The following NPY variants were observed in gnomAD, a reference collection of about 807,000 sequenced individuals.
The protein encoded by NPY is pro-neuropeptide Y.
In NPY, 11 loss-of-function variants were observed where a neutral mutation model predicts 13.2. The observed-to-expected ratio is 0.83, with a 90% CI of 0.52 to 1.38. The LOEUF (loss-of-function observed/expected upper bound fraction) is 1.38, where lower values mean the gene tolerates loss of function less well. Ranked by LOEUF, NPY falls within the 40% of genes most tolerant of loss-of-function variation. The pLI is 0.00. For synonymous variants in NPY, 51 were observed against 55.6 expected (o/e 0.92, Z 0.37); for missense variants, 109 against 125.1 (o/e 0.87, Z 0.61).
In NPY at chr7:24,285,759, AC is replaced by A. The variant is rs1306551931; in HGVS notation, c.188+334del. On this transcript the variant is annotated intron_variant, in intron 2 of 3. Coordinates refer to ENST00000242152, the MANE Select transcript of NPY (RefSeq NM_000905.4). The surrounding 1 kb of genome is among the most constrained non-coding windows in gnomAD (Gnocchi z 4.9). Reference sequence around the variant, plus strand: ...GGCCCGGTCCAGAAATCTCGAAAGTACCCAGTGAAAGGGGCAAGAATGCGCC... The same window carrying A: ...GGCCCGGTCCAGAAATCTCGAAAGTACCAGTGAAAGGGGCAAGAATGCGCC... 1.3e-5 allele frequency among the ~76,000 whole-genome samples: 2 copies of A among 151,994 alleles called. No individual in the cohort carries two copies. Among genetic ancestry groups the A allele is most frequent in the African/African-American group, 2.4e-5 (1 of 41,382 alleles).
chr7:24,285,369 G>A lies in NPY; in HGVS notation c.129G>A (p.Glu43=). The stretch of plus-strand genomic sequence containing the variant: ...ACCCGGGCGAGGACGCACCAGCGGA[G>A]GACATGGCCAGATACTACTCGGCGC... ...PDNPGEDAPA[E]DMARYYSALR... is the part of the protein sequence containing the mutation. The change falls in exon 2 of 4, where the codon GAG becomes GAA. Residue 43 remains glutamate, a synonymous_variant. Coordinates refer to ENST00000242152, the MANE Select transcript of NPY (RefSeq NM_000905.4). This position sits in a 1 kb window ranked among gnomAD's most constrained non-coding sequence, Gnocchi z 4.9. The A allele has an allele frequency of 6.2e-7, 1 of 1,614,088 alleles. No homozygotes were observed. Among genetic ancestry groups the A allele is most frequent in the Non-Finnish European group, 8.5e-7 (1 of 1,180,040 alleles).
At chr7:24,286,852 GT>G in intron 2 of NPY, among the ~76,000 whole-genome samples, 1 of 152,220 alleles carries the variant, frequency 6.6e-6, no homozygotes, top group Admixed American at 6.5e-5. Context: ...GATATTAACT[GT>G]TTTTTCTAGA....
rs768399475 is a variant in NPY at position 24,285,601 on chromosome 7, A to G, written c.188+173A>G. Among the ~76,000 whole-genome samples, 1 of 152,102 alleles carries G rather than the reference A, an allele frequency of 6.6e-6. No homozygotes were observed. Among genetic ancestry groups the G allele is most frequent in the Non-Finnish European group, 1.5e-5 (1 of 68,020 alleles). On this transcript the variant is annotated intron_variant, in intron 2 of 3. Transcript: ENST00000242152. The surrounding 1 kb of genome is among the most constrained non-coding windows in gnomAD (Gnocchi z 4.9). ...GTTTGTACAGGGCACACTCTACACA[A>G]AATGGGTACCTTCCATTTTGTGCAA...
intron 1 of NPY, chr7:24,284,898 G>A (rs1011990591): frequency 1.3e-5 from 5 of 391,560 alleles, no homozygotes; most frequent in Non-Finnish European, 2.4e-5. Flanking sequence ...CAAGAAGGGA[G>A]AAAAGTGACC....
At position 24,285,006 on chromosome 7, in the gene NPY, C is replaced by G. The variant is rs1243498900; in HGVS notation, c.1-235C>G. Reference sequence around the variant, plus strand: ...GCTTCTTGGTCCCTGAGACTTCGAACGAAGTTGCGCGAAGTTTTCAGGTGG... The same window carrying G: ...GCTTCTTGGTCCCTGAGACTTCGAAGGAAGTTGCGCGAAGTTTTCAGGTGG... On this transcript the variant is annotated intron_variant, in intron 1 of 3. Transcript: ENST00000242152. This position sits in a 1 kb window ranked among gnomAD's most constrained non-coding sequence, Gnocchi z 4.9. 15 of 578,632 alleles carry G rather than the reference C, an allele frequency of 2.6e-5. No individual in the cohort carries two copies. Among genetic ancestry groups the G allele is most frequent in the Non-Finnish European group, 4.3e-5 (14 of 324,248 alleles). The allele number at this position is 578,632 out of a possible 1,614,324, so 35.8% of individuals were successfully genotyped here.
chr7:24,287,791 C>G (rs957512590), intron 2 of NPY, among the ~76,000 whole-genome samples: 2 of 152,138 alleles, frequency 1.3e-5, no homozygotes, highest in Non-Finnish European at 2.9e-5. Flanking sequence ...AGAAACTCAG[C>G]CTTAGATTAG....
At position 24,285,396 on chromosome 7, in the gene NPY, G is replaced by A. The variant is rs771478734; in HGVS notation, c.156G>A (p.Leu52=). The A allele has an allele frequency of 1.9e-6, 3 of 1,613,790 alleles. No individual in the cohort carries two copies. In the African/African-American group the frequency reaches 4.0e-5, roughly 22 times the overall value. The change falls in exon 2 of 4, where the codon CTG becomes CTA. Residue 52 remains leucine, a synonymous_variant. Coordinates refer to ENST00000242152, the MANE Select transcript of NPY (RefSeq NM_000905.4). This position sits in a 1 kb window ranked among gnomAD's most constrained non-coding sequence, Gnocchi z 4.9. ...ACATGGCCAGATACTACTCGGCGCT[G>A]CGACACTACATCAACCTCATCACCA... ...AEDMARYYSA[L]RHYINLITRQ... is the part of the protein sequence containing the mutation.
intron 2 of NPY, among the ~76,000 whole-genome samples, chr7:24,288,687 GAAAAAAAA>G (rs59946765): frequency 1.1e-5 from 1 of 89,032 alleles, no homozygotes. Flanking sequence ...TGCTACAGGA[GAAAAAAAA>G]AAAAAAAAAA....
intron 3 of NPY, among the ~76,000 whole-genome samples, chr7:24,290,783 T>TTATTATTATTA (rs1787574999): frequency 6.8e-6 from 1 of 147,312 alleles, no homozygotes; most frequent in Admixed American, 6.8e-5. Context: ...ATAATTATTA[T>TTATTATTATTA]TATTATTCAG....
At position 24,289,579 on chromosome 7, in the gene NPY, G is replaced by T; in HGVS notation, c.269G>T (p.Arg90Leu). ...RESTENVPRTRLEDPAMW is the reference protein window; with the variant it reads ...RESTENVPRTLLEDPAMW The stretch of plus-strand genomic sequence containing the variant: ...AGCACAGAAAATGTTCCCAGAACTC[G>T]GTATGACAAGGCTTGTGATGGGGAC... Residue 90 changes from arginine to leucine, a missense_variant and splice_region_variant, in exon 3 of 4, where the codon CGG becomes CTG. Physicochemically the swap from Arg to Leu is moderately radical, Grantham distance 102. Coordinates refer to ENST00000242152, the MANE Select transcript of NPY (RefSeq NM_000905.4). 1.2e-6 allele frequency: 2 copies of T among 1,608,830 alleles called. No individual in the cohort carries two copies. The highest frequency in any genetic ancestry group is 1.1e-5 in the South Asian group (1 of 90,386).
At chr7:24,291,147 C>T (rs1346687622) in intron 3 of NPY, among the ~76,000 whole-genome samples, 2 of 152,032 alleles carry the variant, frequency 1.3e-5, no homozygotes, top group African/African-American at 4.8e-5. Flanking sequence ...TTAATTGCAA[C>T]CTGATTGACA....
intron 3 of NPY, 113 bp downstream of exon 3, chr7:24,289,692 GA>G: frequency 1.6e-6 from 1 of 629,430 alleles, no homozygotes. Context: ...GACTAGGGGA[GA>G]TTTCGGCAGA....
At position 24,291,740 on chromosome 7, in the gene NPY, T is replaced by A. The variant is rs1787623838; in HGVS notation, c.*53T>A. ...TTTCCTATTTTCAGCCCATATTTCATCGTGTAAAACGAGAATCCACCCATC... is the reference window on the plus strand; with the variant it reads ...TTTCCTATTTTCAGCCCATATTTCAACGTGTAAAACGAGAATCCACCCATC... On this transcript the variant is annotated 3_prime_UTR_variant, in exon 4 of 4. Coordinates refer to ENST00000242152, the MANE Select transcript of NPY (RefSeq NM_000905.4). 4 of 1,610,090 alleles carry A rather than the reference T, an allele frequency of 2.5e-6. No homozygotes were observed. The Admixed American group carries it at 6.7e-5, about 27-fold the overall frequency.
chr7:24,291,317 A>C (rs1787591597), intron 3 of NPY, among the ~76,000 whole-genome samples: 1 of 152,218 alleles, frequency 6.6e-6, no homozygotes, highest in Non-Finnish European at 1.5e-5. Context: ...GTTGAGGAAC[A>C]ATAACTTTCC....
chr7:24,285,039 G>C lies in NPY; in HGVS notation c.1-202G>C. 1 of 602,430 alleles carries C rather than the reference G, an allele frequency of 1.7e-6. No homozygotes were observed. The highest frequency in any genetic ancestry group is 2.0e-5 in the South Asian group (1 of 50,906). 37.3% of individuals were successfully genotyped at this position (602,430 alleles called of 1,614,324 possible). A position where few individuals can be genotyped will look rare whatever the true frequency, so the allele number is the denominator to read the frequency against. On this transcript the variant is annotated intron_variant, in intron 1 of 3. Coordinates refer to ENST00000242152, the MANE Select transcript of NPY (RefSeq NM_000905.4). This position sits in a 1 kb window ranked among gnomAD's most constrained non-coding sequence, Gnocchi z 4.9. ...CGCGAAGTTTTCAGGTGGAGCAGAG[G>C]GGCAGGTCCCGACCGGACGGCGCCC...
chr7:24,288,184 T>C (rs1157940965), intron 2 of NPY, among the ~76,000 whole-genome samples: 2 of 152,210 alleles, frequency 1.3e-5, no homozygotes, highest in African/African-American at 4.8e-5. Flanking sequence ...ATGATGAAGA[T>C]AAATGAGTTA....
At chr7:24,291,197 G>A (rs4722343) in intron 3 of NPY, among the ~76,000 whole-genome samples, 147,720 of 152,260 alleles carry the variant, frequency 0.97, 71,682 homozygotes, top group East Asian at 1. Context: ...AAAACTTGAC[G>A]GTCTTGAAGT....
At chr7:24,286,869 CTT>C (rs1286892492) in intron 2 of NPY, among the ~76,000 whole-genome samples, 1 of 152,068 alleles carries the variant, frequency 6.6e-6, no homozygotes, top group East Asian at 1.9e-4. Context: ...CTAGAAAAAC[CTT>C]TGTTAGTTAT....
intron 2 of NPY, 48 bp from the exon 3 acceptor site, chr7:24,289,450 GT>G (rs1462058285): frequency 7.4e-7 from 1 of 1,347,680 alleles, no homozygotes; most frequent in Non-Finnish European, 1.0e-6. Context: ...TTTCCTAAAG[GT>G]TTTTATGCCT....
Sources: gnomAD v4.1 joint callset for allele counts (sites outside exome capture counted in the v4.1 genomes callset) on GRCh38, gnomAD v4.1.1 for gene constraint, Gnocchi (gnomAD v3.1) non-coding constraint, MANE v1.5 for transcripts, NCBI Gene and HGNC (gene_info 2026-07-23, HGNC 2026-07-21) for gene names.